The following SETD5 variants were observed in gnomAD, a reference collection of about 807,000 sequenced individuals.
The protein encoded by SETD5 is histone-lysine N-methyltransferase SETD5.
Under a neutral mutation model 153.3 loss-of-function variants are expected in SETD5, and 44 were observed. That is an observed-to-expected ratio of 0.29 (90% confidence interval 0.23 to 0.37). The LOEUF (loss-of-function observed/expected upper bound fraction) is 0.37. Among genes scored for constraint, SETD5 ranks in the 10% least tolerant of loss-of-function variants. The pLI is 1.00. For missense variants in SETD5, 1,544 were observed against 1,768.0 expected, an observed-to-expected ratio of 0.87 and a Z score of 2.27; for synonymous variants, 716 against 645.2, an observed-to-expected ratio of 1.11 and a Z score of -1.66.
chr3:9,447,407 C>A, intron 14 of SETD5, 100 bp downstream of exon 14: 1 of 1,463,452 alleles, frequency 6.8e-7, no homozygotes, highest in South Asian at 1.4e-5. Context: ...CAGCTTTGCT[C>A]CATATCACAA....
At chr3:9,445,417 TC>T in intron 12 of SETD5, 117 bp downstream of exon 12, 7 of 1,127,966 alleles carry the variant, frequency 6.2e-6, no homozygotes, top group Non-Finnish European at 9.0e-6. Context: ...GCCCTTTATA[TC>T]AATGTGGGTT....
intron 17 of SETD5, among the ~76,000 whole-genome samples, chr3:9,458,816 G>C (rs956017953): frequency 2.0e-5 from 3 of 151,992 alleles, no homozygotes; most frequent in African/African-American, 7.3e-5. Context: ...CATTTGTTCT[G>C]CTTGGTATCT....
intron 8 of SETD5, 109 bp from the exon 9 acceptor site, chr3:9,441,484 C>T (rs1278478997): frequency 4.8e-6 from 5 of 1,044,454 alleles, no homozygotes; most frequent in Non-Finnish European, 5.7e-6. Context: ...ATAACATGTA[C>T]AGATAAAACC....
chr3:9,419,743 G>A (rs2038093465), intron 1 of SETD5, among the ~76,000 whole-genome samples: 1 of 152,034 alleles, frequency 6.6e-6, no homozygotes, highest in Admixed American at 6.5e-5. Flanking sequence ...CTTCATTTCT[G>A]TTTGTTCATC....
intron 17 of SETD5, 65 bp downstream of exon 17, chr3:9,453,933 A>C: frequency 7.0e-7 from 1 of 1,434,550 alleles, no homozygotes; most frequent in Non-Finnish European, 9.2e-7. Flanking sequence ...TAAAAAATTT[A>C]AGTATGAGTA....
At chr3:9,415,299 G>A (rs2037245023) in intron 1 of SETD5, among the ~76,000 whole-genome samples, 1 of 152,162 alleles carries the variant, frequency 6.6e-6, no homozygotes, top group African/African-American at 2.4e-5. Context: ...GAGCATATGT[G>A]TCAAGGCTTT....
At chr3:9,427,788 A>T (rs943956127) in intron 2 of SETD5, among the ~76,000 whole-genome samples, 1 of 152,148 alleles carries the variant, frequency 6.6e-6, no homozygotes, top group African/African-American at 2.4e-5. Context: ...CATCCTTTCA[A>T]TGTTTTTTAC....
chr3:9,428,601 A>G (rs1369552745), intron 2 of SETD5, among the ~76,000 whole-genome samples: 1 of 152,218 alleles, frequency 6.6e-6, no homozygotes, highest in East Asian at 1.9e-4. Context: ...TCAACTGAAA[A>G]GAAAAACAAA....
chr3:9,417,631 G>A (rs968419412), intron 1 of SETD5, among the ~76,000 whole-genome samples: 1 of 151,448 alleles, frequency 6.6e-6, no homozygotes, highest in African/African-American at 2.4e-5. Context: ...GACTACAGGC[G>A]CCCACCACCA....
chr3:9,465,353 G>A (rs549265235), intron 18 of SETD5, among the ~76,000 whole-genome samples: 2 of 152,328 alleles, frequency 1.3e-5, no homozygotes, highest in African/African-American at 4.8e-5. Flanking sequence ...AATCACTTTA[G>A]TGTTCAGGTT....
chr3:9,406,232 ACT>A (rs910818276), intron 1 of SETD5, among the ~76,000 whole-genome samples: 2 of 152,212 alleles, frequency 1.3e-5, no homozygotes, highest in Non-Finnish European at 2.9e-5. Context: ...TTTTAAAAAA[ACT>A]TTTAGTTCTA....
chr3:9,437,688 G>A (rs1462223810), intron 7 of SETD5, among the ~76,000 whole-genome samples: 1 of 152,060 alleles, frequency 6.6e-6, no homozygotes, highest in Admixed American at 6.5e-5. Flanking sequence ...CCTATTGAGA[G>A]TTATAGGGCA....
intron 19 of SETD5, among the ~76,000 whole-genome samples, chr3:9,472,243 A>G (rs2045383787): frequency 6.6e-6 from 1 of 152,214 alleles, no homozygotes; most frequent in Non-Finnish European, 1.5e-5. Context: ...GCATATGCCA[A>G]ATTCTGTGCT....
At chr3:9,456,024 T>G (rs2125389709) in intron 17 of SETD5, among the ~76,000 whole-genome samples, 1 of 152,330 alleles carries the variant, frequency 6.6e-6, no homozygotes, top group Non-Finnish European at 1.5e-5. Flanking sequence ...TTAGCATAAA[T>G]TCTGAGGAAT....
chr3:9,475,868 T>A lies in SETD5; in HGVS notation c.4106T>A (p.Leu1369Gln). The change falls in exon 23 of 23, where the codon CTG (leucine) becomes CAG (glutamine). Residue 1369 changes from leucine (L) to glutamine (Q), a missense_variant. By Grantham distance (113) the Leu-to-Gln change is moderately radical (BLOSUM62 -2). Transcript: ENST00000402198. ...DSVSQSSTGT[L>Q]SSTSFPQNSR... ...GTTTCTCAGTCCAGCACAGGAACTCTGAGTTCCACCTCCTTTCCTCAGAAC... is the reference window on the plus strand; with the variant it reads ...GTTTCTCAGTCCAGCACAGGAACTCAGAGTTCCACCTCCTTTCCTCAGAAC... 6.2e-7 allele frequency: 1 copy of A among 1,614,058 alleles called. No individual in the cohort carries two copies. The highest frequency in any genetic ancestry group is 8.5e-7 in the Non-Finnish European group (1 of 1,179,896).
chr3:9,462,466 A>G (rs2044076548), intron 17 of SETD5, among the ~76,000 whole-genome samples: 1 of 151,702 alleles, frequency 6.6e-6, no homozygotes. Context: ...GAGCACCTGT[A>G]GTCCCAGCTA....
intron 13 of SETD5, among the ~76,000 whole-genome samples, chr3:9,446,626 G>A (rs1427600843): frequency 6.6e-6 from 1 of 151,812 alleles, no homozygotes; most frequent in Non-Finnish European, 1.5e-5. Context: ...CCAAGTAGCT[G>A]GCATTACAAG....
intron 16 of SETD5, 151 bp from the exon 17 acceptor site, chr3:9,453,588 T>C: frequency 1.6e-6 from 1 of 633,956 alleles, no homozygotes; most frequent in Non-Finnish European, 2.5e-6. Context: ...AATGTTCCAA[T>C]ATGCTGAGAC....
At chr3:9,458,908 T>G (rs2043583987) in intron 17 of SETD5, among the ~76,000 whole-genome samples, 1 of 152,204 alleles carries the variant, frequency 6.6e-6, no homozygotes, top group Non-Finnish European at 1.5e-5. Flanking sequence ...CCATTAATTT[T>G]AAATCACTGT....
Sources: gnomAD v4.1 joint callset for allele counts (sites outside exome capture counted in the v4.1 genomes callset) on GRCh38, gnomAD v4.1.1 for gene constraint, MANE v1.5 for transcripts, NCBI Gene and HGNC (gene_info 2026-07-23, HGNC 2026-07-21) for gene names.